Variants in GFRA2 observed in about 807,000 individuals in gnomAD.
The protein encoded by GFRA2 is GDNF family receptor alpha-2.
Under a neutral mutation model 48.3 loss-of-function variants are expected in GFRA2, and 17 were observed. The observed-to-expected ratio is 0.35, with a 90% confidence interval of 0.24 to 0.53. The LOEUF is 0.53. Among genes scored for constraint, GFRA2 ranks in the 20% least tolerant of loss-of-function variants. The probability of loss-of-function intolerance (pLI) is 0.93; values close to 1 mark genes in which losing one functional copy is unlikely to be tolerated. For synonymous variants in GFRA2, 305 were observed against 257.2 expected (o/e 1.19, Z -1.78); for missense variants, 660 against 637.3 (o/e 1.04, Z -0.38).
At chr8:21,786,903 G>A (rs1042531530) in intron 1 of GFRA2, among the ~76,000 whole-genome samples, 12 of 152,138 alleles carry the variant, frequency 7.9e-5, no homozygotes, top group African/African-American at 2.9e-4. Flanking sequence ...TGACCCCGCT[G>A]GGCAGCCTGG....
intron 3 of GFRA2, among the ~76,000 whole-genome samples, chr8:21,757,125 G>A (rs957729445): frequency 2.6e-5 from 4 of 152,298 alleles, no homozygotes; most frequent in Admixed American, 6.5e-5. Flanking sequence ...GGCCAGACCC[G>A]GGGAGCGCAG....
intron 7 of GFRA2, among the ~76,000 whole-genome samples, chr8:21,698,599 G>A (rs944674931): frequency 1.3e-5 from 2 of 152,078 alleles, no homozygotes; most frequent in Non-Finnish European, 2.9e-5. Flanking sequence ...AGCGCTCCTG[G>A]CCTTCCTCCC....
At chr8:21,788,054 T>TCCCCCCCCC in intron 1 of GFRA2, 66 bp downstream of exon 1, 10 of 216,136 alleles carry the variant, frequency 4.6e-5, no homozygotes, top group South Asian at 2.1e-4. Flanking sequence ...CCACCGGCGC[T>TCCCCCCCCC]CCGCTCGCCC....
intron 3 of GFRA2, among the ~76,000 whole-genome samples, chr8:21,754,500 T>A (rs532686072): frequency 0.014 from 2,053 of 142,554 alleles, 14 homozygotes; most frequent in Non-Finnish European, 0.023. Context: ...ATGGTCTTTT[T>A]TTTTCTTTTT....
rs545776136 is a variant in GFRA2, at chr8:21,757,691, C to T, written c.440-6749G>A. Among the ~76,000 whole-genome samples the T allele has an allele frequency of 1.9e-4, 29 of 152,038 alleles. No homozygotes were observed. In the South Asian group the frequency reaches 3.3e-3, roughly 17 times the overall value. Reference sequence around the variant, plus strand: ...TTTTTTGTATTTTTTTTAGTAGAGACGGGGTTTTGCCATGTTGGCCAGATG... The same window carrying T: ...TTTTTTGTATTTTTTTTAGTAGAGATGGGGTTTTGCCATGTTGGCCAGATG... On this transcript the variant is annotated intron_variant, in intron 3 of 8. Transcript: ENST00000524240.
At chr8:21,787,931 C>CCAGG (rs1807364745) in intron 1 of GFRA2, among the ~76,000 whole-genome samples, 189 bp downstream of exon 1, 1 of 151,946 alleles carries the variant, frequency 6.6e-6, no homozygotes, top group Non-Finnish European at 1.5e-5. Flanking sequence ...CGCCAGCCAG[C>CCAGG]CGCGGCTCCG....
At chr8:21,761,455 C>T (rs4739218) in intron 3 of GFRA2, among the ~76,000 whole-genome samples, 77,175 of 152,122 alleles carry the variant, frequency 0.51, 23,243 homozygotes, top group Non-Finnish European at 0.68. Context: ...AGACGGAGGA[C>T]CTGGCTGGGC....
chr8:21,747,849 C>G (rs1413639981), intron 4 of GFRA2, among the ~76,000 whole-genome samples: 1 of 152,066 alleles, frequency 6.6e-6, no homozygotes, highest in African/African-American at 2.4e-5. Flanking sequence ...TACACATACA[C>G]ATGCACACAT....
At chr8:21,703,682 T>C (rs1802597491) in intron 6 of GFRA2, among the ~76,000 whole-genome samples, 1 of 152,212 alleles carries the variant, frequency 6.6e-6, no homozygotes, top group Non-Finnish European at 1.5e-5. Flanking sequence ...GTCAGAATCC[T>C]GAGGGTCACC....
intron 2 of GFRA2, 35 bp downstream of exon 2, chr8:21,782,549 AC>A (rs1350527596): frequency 8.7e-6 from 13 of 1,489,134 alleles, no homozygotes; most frequent in Admixed American, 2.0e-5. Flanking sequence ...CCTGCGCCAC[AC>A]CCCCTCCCCT....
At chr8:21,776,709 G>A (rs997340223) in intron 2 of GFRA2, among the ~76,000 whole-genome samples, 2 of 152,160 alleles carry the variant, frequency 1.3e-5, no homozygotes, top group Non-Finnish European at 2.9e-5. Context: ...GACCTCAAGC[G>A]ATCTGTGCAC....
rs182149637 is a variant in GFRA2 at position 21,750,926 on chromosome 8, C to G, written c.456G>C (p.Pro152=). 77 of 1,611,828 alleles carry G rather than the reference C, an allele frequency of 4.8e-5. No individual in the cohort carries two copies. In the African/African-American group the frequency reaches 7.9e-4, roughly 16 times the overall value. Residue 152 remains proline, a synonymous_variant, in exon 4 of 9, where the codon CCG becomes CCC. Coordinates refer to ENST00000524240, the MANE Select transcript of GFRA2 (RefSeq NM_001495.5). The surrounding 1 kb of genome is among the most constrained non-coding windows in gnomAD (Gnocchi z 5.7). The part of the protein sequence containing the change: ...ASIFSGTGAD[P]VVSAKSNHCL... The stretch of plus-strand genomic sequence containing the variant: ...AATGGTTGCTCTTGGCGCTGACCAC[C>G]GGGTCTGCCCCTGTCCCTGGAGGAG...
intron 4 of GFRA2, among the ~76,000 whole-genome samples, chr8:21,742,406 A>AC (rs1804791183): frequency 6.6e-6 from 1 of 152,200 alleles, no homozygotes; most frequent in South Asian, 2.1e-4. Context: ...AAAGGCCCTC[A>AC]TCACAGGGCC....
intron 4 of GFRA2, among the ~76,000 whole-genome samples, chr8:21,725,934 A>G (rs886221051): frequency 1.3e-5 from 2 of 152,246 alleles, no homozygotes; most frequent in African/African-American, 4.8e-5. Flanking sequence ...TCACAAGGGC[A>G]GAGCCAGAGC....
chr8:21,710,409 C>G (rs1802959664), intron 4 of GFRA2, among the ~76,000 whole-genome samples: 1 of 152,206 alleles, frequency 6.6e-6, no homozygotes, highest in African/African-American at 2.4e-5. Flanking sequence ...AAAAACAGAC[C>G]CACTTATCCT....
Position 21,711,377 on chromosome 8 carries a change from G to C in GFRA2, c.795-5336C>G, listed in dbSNP as rs760056706. Among the ~76,000 whole-genome samples the C allele has an allele frequency of 2.0e-5, 3 of 152,286 alleles. No individual in the cohort carries two copies. In the East Asian group the frequency reaches 5.8e-4, roughly 29 times the overall value. The stretch of plus-strand genomic sequence containing the variant: ...GCCAGCAAGAGAACCAAAATGAAGA[G>C]GAGCCAAGTCCATCTCGGCTGAGAC... On this transcript the variant is annotated intron_variant, in intron 4 of 8. Coordinates refer to ENST00000524240, the MANE Select transcript of GFRA2 (RefSeq NM_001495.5).
At chr8:21,760,923 C>A (rs1294777873) in intron 3 of GFRA2, among the ~76,000 whole-genome samples, 1 of 152,130 alleles carries the variant, frequency 6.6e-6, no homozygotes, top group African/African-American at 2.4e-5. Context: ...CTGACACCCC[C>A]CCAAATACTT....
intron 3 of GFRA2, among the ~76,000 whole-genome samples, chr8:21,772,635 C>T (rs1339366643): frequency 1.3e-5 from 2 of 152,192 alleles, no homozygotes; most frequent in African/African-American, 2.4e-5. Context: ...CAAAGCCCAG[C>T]CCTCATGGCA....
At chr8:21,709,764 C>T (rs1340894076) in intron 4 of GFRA2, among the ~76,000 whole-genome samples, 1 of 152,188 alleles carries the variant, frequency 6.6e-6, no homozygotes, top group Non-Finnish European at 1.5e-5. Context: ...GCTTCCCTCC[C>T]GCAAGGCCAG....
Sources: gnomAD v4.1 joint callset for allele counts (sites outside exome capture counted in the v4.1 genomes callset) on GRCh38, gnomAD v4.1.1 for gene constraint, Gnocchi (gnomAD v3.1) non-coding constraint, MANE v1.5 for transcripts, NCBI Gene and HGNC (gene_info 2026-07-23, HGNC 2026-07-21) for gene names.